Variants in GRXCR1 observed in about 807,000 individuals in gnomAD.
GRXCR1 encodes the protein glutaredoxin domain-containing cysteine-rich protein 1.
Under a neutral mutation model 27.3 loss-of-function variants are expected in GRXCR1, and 27 were observed. That is an observed-to-expected ratio of 0.99 (90% CI 0.73 to 1.37). GRXCR1 has a LOEUF of 1.37. Ranked by LOEUF, GRXCR1 falls within the 40% of genes most tolerant of loss-of-function variation. The probability of loss-of-function intolerance (pLI) is 0.00; values close to 1 mark genes in which losing one functional copy is unlikely to be tolerated. For missense variants in GRXCR1, 379 were observed against 354.4 expected (o/e 1.07, Z -0.56); for synonymous variants, 122 against 131.1 (o/e 0.93, Z 0.47).
At chr4:43,014,202 A>G (rs1402955062) in intron 2 of GRXCR1, among the ~76,000 whole-genome samples, 5 of 152,216 alleles carry the variant, frequency 3.3e-5, no homozygotes, top group African/African-American at 1.2e-4. Context: ...ATATTGTTAC[A>G]CCTGCCTTGA....
At chr4:42,927,378 C>A (rs1220477962) in intron 1 of GRXCR1, among the ~76,000 whole-genome samples, 1 of 152,004 alleles carries the variant, frequency 6.6e-6, no homozygotes, top group Non-Finnish European at 1.5e-5. Context: ...CATGCTTACG[C>A]CCCTGCTACA....
intron 1 of GRXCR1, among the ~76,000 whole-genome samples, chr4:42,962,590 T>A (rs891386565): frequency 4.6e-5 from 7 of 151,940 alleles, no homozygotes; most frequent in Non-Finnish European, 7.4e-5. Flanking sequence ...AAGAAAAATA[T>A]TTCAGTCATT....
chr4:42,944,691 G>C (rs893312598), intron 1 of GRXCR1, among the ~76,000 whole-genome samples: 1 of 152,096 alleles, frequency 6.6e-6, no homozygotes, highest in Admixed American at 6.6e-5. Context: ...AATACTGTGT[G>C]TACCAGAAGT....
At chr4:42,900,174 C>T (rs1746430130) in intron 1 of GRXCR1, among the ~76,000 whole-genome samples, 2 of 152,114 alleles carry the variant, frequency 1.3e-5, no homozygotes, top group South Asian at 2.1e-4. Context: ...TACACTGACA[C>T]AGCATATAAA....
chr4:43,028,771 A>G (rs978558573), intron 3 of GRXCR1, among the ~76,000 whole-genome samples: 4 of 152,166 alleles, frequency 2.6e-5, no homozygotes, highest in Admixed American at 1.3e-4. Flanking sequence ...CCTTTTTTTA[A>G]GTCAATTCTT....
At chr4:42,955,910 T>C (rs1747993237) in intron 1 of GRXCR1, among the ~76,000 whole-genome samples, 1 of 152,094 alleles carries the variant, frequency 6.6e-6, no homozygotes, top group Non-Finnish European at 1.5e-5. Context: ...GAGCTGAGCC[T>C]GCTCCGTGCT....
intron 1 of GRXCR1, among the ~76,000 whole-genome samples, chr4:42,913,261 A>C (rs1560646838): frequency 6.6e-6 from 1 of 152,216 alleles, no homozygotes; most frequent in East Asian, 1.9e-4. Flanking sequence ...TGGAGGGCTC[A>C]GAAGAAGACA....
chr4:43,001,933 G>A (rs542831182), intron 2 of GRXCR1, among the ~76,000 whole-genome samples: 2 of 152,352 alleles, frequency 1.3e-5, no homozygotes, highest in Admixed American at 6.5e-5. Flanking sequence ...AAGTTCAAGG[G>A]AAGATACTAT....
chr4:42,898,653 T>C (rs1408090851), intron 1 of GRXCR1, among the ~76,000 whole-genome samples: 1 of 152,138 alleles, frequency 6.6e-6, no homozygotes, highest in Non-Finnish European at 1.5e-5. Context: ...TGACATTATT[T>C]ATGTGCATTG....
chr4:42,934,861 A>G (rs1420375400), intron 1 of GRXCR1, among the ~76,000 whole-genome samples: 1 of 151,988 alleles, frequency 6.6e-6, no homozygotes, highest in Non-Finnish European at 1.5e-5. Flanking sequence ...AGCAGCCAGG[A>G]CAGAAATTAT....
chr4:42,898,785 G>A (rs1746403455), intron 1 of GRXCR1, among the ~76,000 whole-genome samples: 1 of 151,148 alleles, frequency 6.6e-6, no homozygotes, highest in South Asian at 2.1e-4. Flanking sequence ...AAAATGTTAT[G>A]TATCCTGAGA....
chr4:42,959,840 G>A (rs1748091730), intron 1 of GRXCR1, among the ~76,000 whole-genome samples: 1 of 151,902 alleles, frequency 6.6e-6, no homozygotes, highest in African/African-American at 2.4e-5. Context: ...CAATTCAGAG[G>A]CCCCAGCCTG....
At chr4:42,987,222 T>TTATATATTATATAA (rs1553943896) in intron 2 of GRXCR1, among the ~76,000 whole-genome samples, 17 of 100,594 alleles carry the variant, frequency 1.7e-4, no homozygotes, top group Non-Finnish European at 3.1e-4. Context: ...TATATATATA[T>TTATATATTATATAA]TATATATTAT....
intron 1 of GRXCR1, among the ~76,000 whole-genome samples, chr4:42,897,257 C>T (rs886248622): frequency 1.3e-5 from 2 of 151,858 alleles, no homozygotes; most frequent in Non-Finnish European, 1.5e-5. Flanking sequence ...ATTAAGGCTG[C>T]TTATTTTTGA....
At chr4:43,001,696 G>A (rs1712367164) in intron 2 of GRXCR1, among the ~76,000 whole-genome samples, 1 of 152,156 alleles carries the variant, frequency 6.6e-6, no homozygotes, top group Admixed American at 6.5e-5. Context: ...ATGAGAGACT[G>A]AGAAAAGAAA....
chr4:42,950,282 C>T (rs6851646), intron 1 of GRXCR1, among the ~76,000 whole-genome samples: 72,064 of 151,896 alleles, frequency 0.47, 18,388 homozygotes, highest in African/African-American at 0.67. Context: ...TTCTTCTGGT[C>T]TGCAACTTGA....
intron 1 of GRXCR1, among the ~76,000 whole-genome samples, chr4:42,926,057 T>G (rs551452235): frequency 5.9e-5 from 9 of 152,038 alleles, no homozygotes; most frequent in Non-Finnish European, 1.0e-4. Flanking sequence ...CCTTTCGACT[T>G]TTTCCACTTG....
intron 2 of GRXCR1, among the ~76,000 whole-genome samples, chr4:43,006,031 T>C (rs34525545): frequency 0.23 from 35,606 of 152,144 alleles, 4,455 homozygotes; most frequent in Admixed American, 0.29. Flanking sequence ...TTAATACTTT[T>C]ATAATTTCTT....
intron 2 of GRXCR1, among the ~76,000 whole-genome samples, chr4:42,975,558 C>G (rs754025402): frequency 1.3e-5 from 2 of 152,090 alleles, no homozygotes; most frequent in Non-Finnish European, 2.9e-5. Context: ...ATGTCTCTTC[C>G]AGCATATGTA....
Sources: allele counts gnomAD v4.1 joint callset (sites outside exome capture counted in the v4.1 genomes callset), GRCh38; gene constraint gnomAD v4.1.1; transcripts MANE v1.5; gene names NCBI Gene and HGNC (gene_info 2026-07-23, HGNC 2026-07-21).